Variants in ARL6 observed in about 807,000 individuals in gnomAD.
ARL6 encodes the protein ARF like GTPase 6.
ARL6 carries 18 observed loss-of-function variants against 27.1 expected under a neutral mutation model. The ratio of observed to expected loss-of-function variants is 0.66; its 90% CI spans 0.46 to 0.98. ARL6 has a LOEUF of 0.98. ARL6 is among the 50% of genes least tolerant of loss of function. The pLI is 0.00. For synonymous variants in ARL6, 65 were observed against 72.3 expected (o/e 0.90, Z 0.51); for missense variants, 187 against 214.9 (o/e 0.87, Z 0.81).
chr3:97,789,322 G>C (rs987645544), intron 6 of ARL6, among the ~76,000 whole-genome samples: 2 of 152,120 alleles, frequency 1.3e-5, no homozygotes, highest in African/African-American at 4.8e-5. Context: ...TCTTGAGCTA[G>C]AGCCTTTATA....
chr3:97,794,803 G>T (rs76527678), intron 7 of ARL6, among the ~76,000 whole-genome samples: 1,820 of 152,074 alleles, frequency 0.012, 25 homozygotes, highest in African/African-American at 0.041. Context: ...TTTAAGATTG[G>T]GGCCGGGAGC....
At chr3:97,791,379 A>G (rs2037728363) in intron 6 of ARL6, 1 of 164,292 alleles carries the variant, frequency 6.1e-6, no homozygotes, top group Non-Finnish European at 1.3e-5. Context: ...AAACAAAGGC[A>G]CACCATAATA....
chr3:97,779,814 C>T (rs1158787562), intron 2 of ARL6, among the ~76,000 whole-genome samples: 4 of 150,898 alleles, frequency 2.7e-5, no homozygotes, highest in African/African-American at 9.8e-5. Flanking sequence ...TGCAGTGAGC[C>T]GAGATTGCGC....
At chr3:97,784,922 G>C (rs916398243) in intron 4 of ARL6, 33 bp from the exon 5 acceptor site, 2 of 1,504,184 alleles carry the variant, frequency 1.3e-6, no homozygotes, top group Non-Finnish European at 9.2e-7. Flanking sequence ...TATAAGTAAA[G>C]CTTTAATTTT....
At chr3:97,772,094 T>C (rs11920562) in intron 2 of ARL6, among the ~76,000 whole-genome samples, 33,260 of 152,088 alleles carry the variant, frequency 0.22, 4,138 homozygotes, top group Middle Eastern at 0.3. Flanking sequence ...ATCGTTTGAG[T>C]TGAATTAGTA....
chr3:97,789,311 G>A (rs932251299), intron 6 of ARL6, among the ~76,000 whole-genome samples: 4 of 152,066 alleles, frequency 2.6e-5, no homozygotes, highest in African/African-American at 4.8e-5. Flanking sequence ...ATAAGGAAAC[G>A]TCTTGAGCTA....
At chr3:97,769,799 G>A (rs181359780) in intron 2 of ARL6, among the ~76,000 whole-genome samples, 1,876 of 152,010 alleles carry the variant, frequency 0.012, 23 homozygotes, top group Middle Eastern at 0.037. Flanking sequence ...TGTCTTTCTG[G>A]ACCTGGCTTA....
At chr3:97,774,945 C>A (rs2108008781) in intron 2 of ARL6, among the ~76,000 whole-genome samples, 1 of 152,270 alleles carries the variant, frequency 6.6e-6, no homozygotes. Context: ...CACATATAGT[C>A]AAAGGTATTA....
At chr3:97,771,812 T>A (rs949539495) in intron 2 of ARL6, among the ~76,000 whole-genome samples, 1 of 152,200 alleles carries the variant, frequency 6.6e-6, no homozygotes, top group Non-Finnish European at 1.5e-5. Flanking sequence ...TTGTCCTTGA[T>A]ACTATTAATC....
chr3:97,780,255 A>G lies in ARL6; in HGVS notation c.185+35A>G, dbSNP rs528821589. On this transcript the variant is annotated intron_variant, in intron 3 of 7. Transcript: ENST00000463745. ...TTTATCCCTTAACAAAAAAGTTGCT[A>G]GTGAAAAATAACAATATTAGGTCTA... 8.4e-6 allele frequency: 13 copies of G among 1,539,114 alleles called. No homozygotes were observed. The African/African-American group carries it at 1.2e-4, about 15-fold the overall frequency.
chr3:97,781,019 C>A (rs1227667805), intron 4 of ARL6, among the ~76,000 whole-genome samples: 1 of 152,088 alleles, frequency 6.6e-6, no homozygotes, highest in Non-Finnish European at 1.5e-5. Flanking sequence ...GTTATTTTGT[C>A]CTTATTGTTC....
Position 97,791,773 on chromosome 3 carries a change from C to T in ARL6, c.482C>T (p.Ala161Val), listed in dbSNP as rs1188627299. 1 of 1,613,406 alleles carries T rather than the reference C, an allele frequency of 6.2e-7. No individual in the cohort carries two copies. Among genetic ancestry groups the T allele is most frequent in the African/African-American group, 1.3e-5 (1 of 75,008 alleles). ...NIKDKPWHICASDAIKGEGLQ... is the reference protein window; with the variant it reads ...NIKDKPWHICVSDAIKGEGLQ... Reference sequence around the variant, plus strand: ...GTTTCTTATGGATTTCATTTCAGTGCTAGTGATGCCATAAAAGGAGAAGGC... The same window carrying T: ...GTTTCTTATGGATTTCATTTCAGTGTTAGTGATGCCATAAAAGGAGAAGGC... The change falls in exon 7 of 8, where the codon GCT becomes GTT. Residue 161 changes from alanine to valine, a missense_variant and splice_region_variant. Transcript: ENST00000463745.
intron 1 of ARL6, chr3:97,766,523 C>T (rs1397946339): frequency 6.6e-6 from 1 of 152,212 alleles, no homozygotes; most frequent in Non-Finnish European, 1.5e-5. Flanking sequence ...TGGCATGGCA[C>T]TGTTCCATCT....
At chr3:97,796,435 G>A (rs970966750) in intron 7 of ARL6, among the ~76,000 whole-genome samples, 2 of 151,982 alleles carry the variant, frequency 1.3e-5, no homozygotes, top group Non-Finnish European at 2.9e-5. Context: ...AGAAAGTAGA[G>A]CAGAAAGACA....
intron 2 of ARL6, 104 bp downstream of exon 2, chr3:97,768,334 A>G: frequency 7.9e-7 from 1 of 1,264,726 alleles, no homozygotes; most frequent in Non-Finnish European, 1.1e-6. Flanking sequence ...TCACATTAAG[A>G]TATTCTGTTA....
intron 7 of ARL6, among the ~76,000 whole-genome samples, chr3:97,793,186 G>A (rs1462106547): frequency 6.6e-6 from 1 of 152,118 alleles, no homozygotes; most frequent in African/African-American, 2.4e-5. Context: ...TGTTTATGTA[G>A]TTATCATAAC....
intron 7 of ARL6, among the ~76,000 whole-genome samples, chr3:97,796,670 C>T (rs1003895581): frequency 2.0e-5 from 3 of 152,006 alleles, no homozygotes; most frequent in Admixed American, 2.0e-4. Context: ...TACTAAAATG[C>T]AGTGCTGCAA....
At chr3:97,765,022 C>T (rs917158034) in intron 1 of ARL6, 45 bp downstream of exon 1, 4 of 152,250 alleles carry the variant, frequency 2.6e-5, no homozygotes, top group African/African-American at 9.7e-5. Flanking sequence ...CACCCTCTGT[C>T]CCCGTCAGTT....
chr3:97,794,582 TG>T (rs1276774908), intron 7 of ARL6, among the ~76,000 whole-genome samples: 1 of 152,110 alleles, frequency 6.6e-6, no homozygotes, highest in Admixed American at 6.5e-5. Flanking sequence ...TCTCTAGATT[TG>T]AAAAGAGACA....
Sources: gnomAD v4.1 joint callset for allele counts (sites outside exome capture counted in the v4.1 genomes callset) on GRCh38, gnomAD v4.1.1 for gene constraint, MANE v1.5 for transcripts, NCBI Gene and HGNC (gene_info 2026-07-23, HGNC 2026-07-21) for gene names.